PPP4R1: variants seen among roughly 807,000 people sequenced by gnomAD.
PPP4R1 encodes the protein protein phosphatase 4 regulatory subunit 1.
PPP4R1 carries 42 observed loss-of-function variants against 111.2 expected under a neutral mutation model. The observed-to-expected ratio is 0.38, with a 90% CI of 0.29 to 0.49. PPP4R1 has a LOEUF of 0.49. Among genes scored for constraint, PPP4R1 ranks in the 20% least tolerant of loss-of-function variants. The probability of loss-of-function intolerance (pLI) is 0.97; values close to 1 mark genes in which losing one functional copy is unlikely to be tolerated. For missense variants in PPP4R1, 1,012 were observed against 1,161.6 expected (o/e 0.87, Z 1.87); for synonymous variants, 409 against 405.5 (o/e 1.01, Z -0.10).
chr18:9,584,129 T>G (rs186047782), intron 8 of PPP4R1, among the ~76,000 whole-genome samples: 7 of 152,310 alleles, frequency 4.6e-5, no homozygotes, highest in Non-Finnish European at 1.0e-4. Context: ...ACTCTTTAGA[T>G]ATGGTGACTT....
At position 9,562,503 on chromosome 18, in the gene PPP4R1, T is replaced by TAAC. The variant is rs569188623; in HGVS notation, c.1747-431_1747-429dup. 4.6e-5 allele frequency among the ~76,000 whole-genome samples: 7 copies of TAAC among 152,202 alleles called. No individual in the cohort carries two copies. In the South Asian group the frequency reaches 8.3e-4, roughly 18 times the overall value. ...TATATATGTTAACAGCCAAAAACAG[T>TAAC]AACAACAACAACAACATAAACACCT... On this transcript the variant is annotated intron_variant, in intron 12 of 19. Transcript: ENST00000400556.
At position 9,572,188 on chromosome 18, in the gene PPP4R1, G is replaced by GAA. The variant is rs1444681383; in HGVS notation, c.1047-1506_1047-1505insTT. Among the ~76,000 whole-genome samples, 31 of 152,322 alleles carry GAA rather than the reference G, an allele frequency of 2.0e-4. 1 individual carries two copies. In the Middle Eastern group the frequency reaches 0.01, roughly 50 times the overall value. On this transcript the variant is annotated intron_variant, in intron 10 of 19. Coordinates refer to ENST00000400556, the MANE Select transcript of PPP4R1 (RefSeq NM_001042388.3). ...CTAGGTGGTGATTATCTATGAGAAA[G>GAA]AGGTAAAGACTGAGACAGAGGTGGA...
At chr18:9,555,657 A>C (rs1238422667) in intron 15 of PPP4R1, among the ~76,000 whole-genome samples, 1 of 152,230 alleles carries the variant, frequency 6.6e-6, no homozygotes, top group Non-Finnish European at 1.5e-5. Context: ...CCGCTTACTC[A>C]GAATCAAATT....
In PPP4R1 at chr18:9,570,672, T is replaced by C; in HGVS notation, c.1058A>G (p.Gln353Arg). The C allele has an allele frequency of 6.4e-7, 1 of 1,551,314 alleles. No individual in the cohort carries two copies. The highest frequency in any genetic ancestry group is 1.4e-5 in the African/African-American group (1 of 72,310). The change falls in exon 11 of 20, where the codon CAA (glutamine) becomes CGA (arginine). Residue 353 changes from glutamine (Q) to arginine (R), a missense_variant. This residue lies in a region of PPP4R1 where 707 missense variants were observed against 742.1 expected (regional missense o/e 0.95). Transcript: ENST00000400556. ...SVENKNRTRD[Q>R]EAPEDVQVRP... ...GACTTGTACATCCTCTGGGGCTTCT[T>C]GATCTCTGGTCCTTTTATTGTTTTA...
intron 6 of PPP4R1, 48 bp from the exon 7 acceptor site, chr18:9,584,876 C>G: frequency 7.3e-7 from 1 of 1,378,166 alleles, no homozygotes; most frequent in Non-Finnish European, 1.0e-6. Context: ...AAGTAAGCCT[C>G]TTTCAGTTAA....
At chr18:9,574,034 T>G (rs1436772726) in intron 10 of PPP4R1, among the ~76,000 whole-genome samples, 1 of 152,220 alleles carries the variant, frequency 6.6e-6, no homozygotes, top group Non-Finnish European at 1.5e-5. Context: ...TAAAGTATAA[T>G]AGTCAATACA....
In PPP4R1 at chr18:9,605,560, T is replaced by C. The variant is rs1286141784; in HGVS notation, c.52+8666A>G. On this transcript the variant is annotated intron_variant, in intron 2 of 19. Transcript: ENST00000400556. ...AACTACACTATCACTTATGTAGCAG[T>C]CCTGTCAAAAAAAAAAAAAAAAAAA... is the stretch of plus-strand genomic sequence containing the variant. Among the ~76,000 whole-genome samples, 6 of 89,534 alleles carry C rather than the reference T, an allele frequency of 6.7e-5. No individual in the cohort carries two copies. In the Admixed American group the frequency reaches 9.0e-4, roughly 13 times the overall value. The allele number at this position is 89,534 out of a possible 152,430, so 58.7% of individuals were successfully genotyped here. A position where few individuals can be genotyped will look rare whatever the true frequency, so the allele number is the denominator to read the frequency against.
chr18:9,582,415 A>C (rs1006639999), intron 9 of PPP4R1, among the ~76,000 whole-genome samples: 5 of 152,294 alleles, frequency 3.3e-5, no homozygotes, highest in South Asian at 2.1e-4. Flanking sequence ...ATATACCAAC[A>C]AATTAAGTAA....
chr18:9,547,835 G>A lies in PPP4R1; in HGVS notation c.2807C>T (p.Thr936Ile), dbSNP rs769453585. The change falls in exon 20 of 20, where the codon ACC (threonine) becomes ATC (isoleucine). Residue 936 changes from threonine (T) to isoleucine (I), a missense_variant. Coordinates refer to ENST00000400556, the MANE Select transcript of PPP4R1 (RefSeq NM_001042388.3). The part of the protein sequence containing the change: ...KYFASIHPAS[T>I]KISEDAMSTA... ...GCTCATGGCATCTTCGGAGATTTTGGTACTGGCAGGGTGGATGCTTGCAAA... is the reference window on the plus strand; with the variant it reads ...GCTCATGGCATCTTCGGAGATTTTGATACTGGCAGGGTGGATGCTTGCAAA... 2 of 1,613,490 alleles carry A rather than the reference G, an allele frequency of 1.2e-6. No individual in the cohort carries two copies. The highest frequency in any genetic ancestry group is 1.8e-4 in the Middle Eastern group (1 of 5,594).
intron 2 of PPP4R1, among the ~76,000 whole-genome samples, chr18:9,604,946 A>G (rs1297164553): frequency 6.6e-6 from 1 of 152,246 alleles, no homozygotes; most frequent in Non-Finnish European, 1.5e-5. Context: ...TCACAAGCAC[A>G]TTAGCATATT....
intron 10 of PPP4R1, among the ~76,000 whole-genome samples, chr18:9,575,255 TAC>T (rs1366920162): frequency 6.6e-6 from 1 of 152,244 alleles, no homozygotes; most frequent in African/African-American, 2.4e-5. Flanking sequence ...TCTTTCCATT[TAC>T]AGTTTCTGGT....
At chr18:9,614,818 A>C (rs1275022960), upstream of PPP4R1, 1 of 148,370 alleles carries the variant, frequency 6.7e-6, no homozygotes, top group Non-Finnish European at 1.5e-5. The surrounding 1 kb of genome is among the most constrained non-coding windows in gnomAD (Gnocchi z 4.1). Flanking sequence ...AGCCGCCCTC[A>C]CGCCGAGCGC....
intron 2 of PPP4R1, among the ~76,000 whole-genome samples, chr18:9,611,788 G>T (rs2067583841): frequency 1.3e-5 from 2 of 151,524 alleles, no homozygotes; most frequent in South Asian, 4.2e-4. Flanking sequence ...AAGGCAGGTG[G>T]ATCACCTGAG....
intron 2 of PPP4R1, chr18:9,613,964 G>A (rs1249192564): frequency 5.0e-5 from 13 of 260,114 alleles, no homozygotes; most frequent in Non-Finnish European, 9.5e-5. Flanking sequence ...AGGCGATTCG[G>A]GGGCGCCGGG....
At chr18:9,569,603 A>G (rs888159234) in intron 11 of PPP4R1, among the ~76,000 whole-genome samples, 2 of 152,252 alleles carry the variant, frequency 1.3e-5, no homozygotes, top group Non-Finnish European at 2.9e-5. Context: ...AAATTACAGT[A>G]AGGAATGCAA....
chr18:9,593,118 G>C (rs945115733), intron 4 of PPP4R1, among the ~76,000 whole-genome samples: 1 of 152,000 alleles, frequency 6.6e-6, no homozygotes, highest in Non-Finnish European at 1.5e-5. Flanking sequence ...CTTTAATAAA[G>C]ATAATAGATT....
chr18:9,550,000 C>T (rs1181580409), intron 18 of PPP4R1, 52 bp downstream of exon 18: 20 of 1,609,944 alleles, frequency 1.2e-5, no homozygotes, highest in Non-Finnish European at 1.7e-5. Context: ...TTAAAGAAGA[C>T]ATTCTTCTAG....
rs757945846 is a variant in PPP4R1, at chr18:9,588,769, G to A, written c.380C>T (p.Ala127Val). 1.6e-5 allele frequency: 26 copies of A among 1,613,716 alleles called. No individual in the cohort carries two copies. The African/African-American group carries it at 3.1e-4, about 19-fold the overall frequency. The change falls in exon 5 of 20, where the codon GCT becomes GTT. Residue 127 changes from alanine to valine, a missense_variant. Around this residue, in one of 2 missense-constraint regions of PPP4R1, gnomAD observed 707 missense variants for 742.1 expected, o/e 0.95. Transcript: ENST00000400556. The part of the protein sequence containing the change: ...CQENRPSIPY[A>V]FSKFLLPIVV... The stretch of plus-strand genomic sequence containing the variant: ...AATAGGTAGTAAGAATTTTGAAAAA[G>A]CATATGGTATTGAAGGCCGGTTTTC...
chr18:9,554,564 A>G (rs897936033), intron 15 of PPP4R1, among the ~76,000 whole-genome samples: 1 of 151,896 alleles, frequency 6.6e-6, no homozygotes, highest in African/African-American at 2.4e-5. Context: ...TTAGTAATTT[A>G]ATTAAAAAAA....
Sources: allele counts gnomAD v4.1 joint callset (sites outside exome capture counted in the v4.1 genomes callset), GRCh38; gene constraint gnomAD v4.1.1; regional missense constraint gnomAD v4.1.1; non-coding constraint Gnocchi (gnomAD v3.1); transcripts MANE v1.5; gene names NCBI Gene and HGNC (gene_info 2026-07-23, HGNC 2026-07-21).